TLK2: variants seen among roughly 807,000 people sequenced by gnomAD.
TLK2 encodes serine/threonine-protein kinase tousled-like 2.
Under a neutral mutation model 117.3 loss-of-function variants are expected in TLK2, and 6 were observed. The ratio of observed to expected loss-of-function variants is 0.05; its 90% CI spans 0.03 to 0.10. The LOEUF is 0.10. Among genes scored for constraint, TLK2 ranks in the 10% least tolerant of loss-of-function variants. The probability of loss-of-function intolerance (pLI) is 1.00; values close to 1 mark genes in which losing one functional copy is unlikely to be tolerated. For missense variants in TLK2, 299 were observed against 901.2 expected (o/e 0.33, Z 8.56); for synonymous variants, 257 against 316.7 (o/e 0.81, Z 2.00).
rs1329799407 is a variant in TLK2, at chr17:62,614,767, C to T, written c.*2202C>T. 1 of 152,026 alleles carries T rather than the reference C, an allele frequency of 6.6e-6. No individual in the cohort carries two copies. The highest frequency in any genetic ancestry group is 1.5e-5 in the Non-Finnish European group (1 of 68,018). 9.4% of individuals were successfully genotyped at this position (152,026 alleles called of 1,614,324 possible). A position where few individuals can be genotyped will look rare whatever the true frequency, so the allele number is the denominator to read the frequency against. ...TGCATTTATGTATGTGTGTATAGTA[C>T]CTTTTTTAAAAAAACATTTCCTCCA... On this transcript the variant is annotated 3_prime_UTR_variant, in exon 22 of 22. Transcript: ENST00000346027.
intron 17 of TLK2, among the ~76,000 whole-genome samples, chr17:62,599,989 C>T (rs1341578378): frequency 6.6e-6 from 1 of 152,194 alleles, no homozygotes; most frequent in Non-Finnish European, 1.5e-5. Flanking sequence ...AACCCACATA[C>T]TTTTGTTAGA....
At chr17:62,562,718 A>G (rs1359766289) in intron 10 of TLK2, among the ~76,000 whole-genome samples, 2 of 152,224 alleles carry the variant, frequency 1.3e-5, no homozygotes, top group Non-Finnish European at 2.9e-5. Context: ...AATGTAAAAT[A>G]TTACAGCTAC....
chr17:62,480,428 C>A (rs1225869062), intron 1 of TLK2, among the ~76,000 whole-genome samples: 1 of 152,158 alleles, frequency 6.6e-6, no homozygotes, highest in Non-Finnish European at 1.5e-5. Context: ...GGGCTAAAAG[C>A]AGATGTCCAG....
intron 1 of TLK2, among the ~76,000 whole-genome samples, chr17:62,473,090 G>A (rs2070972021): frequency 6.6e-6 from 1 of 152,124 alleles, no homozygotes; most frequent in South Asian, 2.1e-4. Flanking sequence ...CATGTCTCCT[G>A]GTGTGTTTGC....
chr17:62,567,666 A>G (rs1751584664), intron 11 of TLK2, among the ~76,000 whole-genome samples: 2 of 152,244 alleles, frequency 1.3e-5, no homozygotes, highest in African/African-American at 2.4e-5. Context: ...GAGAAACTCC[A>G]AGACATGTGA....
intron 16 of TLK2, among the ~76,000 whole-genome samples, chr17:62,592,752 G>A (rs756424030): frequency 7.2e-5 from 11 of 152,168 alleles, no homozygotes; most frequent in Non-Finnish European, 1.6e-4. Flanking sequence ...TTCTATTAGT[G>A]TTACATTGTA....
At chr17:62,577,558 T>C (rs1449625629) in intron 13 of TLK2, among the ~76,000 whole-genome samples, 1 of 152,244 alleles carries the variant, frequency 6.6e-6, no homozygotes, top group Non-Finnish European at 1.5e-5. Context: ...TTATTGATGA[T>C]GTTCACTGAG....
chr17:62,608,256 T>A, intron 21 of TLK2, 108 bp downstream of exon 21: 1 of 815,728 alleles, frequency 1.2e-6, no homozygotes, highest in Non-Finnish European at 1.9e-6. Flanking sequence ...CAGCAGTTAA[T>A]AAAAATATTA....
intron 16 of TLK2, among the ~76,000 whole-genome samples, chr17:62,591,836 G>A (rs948199315): frequency 6.6e-6 from 1 of 151,768 alleles, no homozygotes; most frequent in Non-Finnish European, 1.5e-5. Context: ...TTATTTTACC[G>A]TACTACGGAA....
chr17:62,594,803 C>G (rs2082339392), intron 16 of TLK2, among the ~76,000 whole-genome samples: 1 of 145,616 alleles, frequency 6.9e-6, no homozygotes, highest in African/African-American at 2.5e-5. Flanking sequence ...CACACACACA[C>G]ACACACACAC....
intron 2 of TLK2, among the ~76,000 whole-genome samples, chr17:62,506,112 A>G (rs1374344531): frequency 6.6e-6 from 1 of 152,130 alleles, no homozygotes; most frequent in Non-Finnish European, 1.5e-5. Flanking sequence ...TCTAGCTGAG[A>G]GTCATATGTG....
intron 1 of TLK2, among the ~76,000 whole-genome samples, chr17:62,479,886 C>G (rs1298651628): frequency 1.3e-5 from 2 of 152,212 alleles, no homozygotes; most frequent in South Asian, 4.1e-4. Context: ...CCATTCCGAC[C>G]TCGATTAGGG....
chr17:62,502,446 G>GATA (rs2074283431), intron 2 of TLK2, among the ~76,000 whole-genome samples: 1 of 152,174 alleles, frequency 6.6e-6, no homozygotes, highest in Non-Finnish European at 1.5e-5. Flanking sequence ...CATACTTATG[G>GATA]TAAAAGAGTG....
intron 20 of TLK2, 32 bp downstream of exon 20, chr17:62,606,273 C>A (rs1398021178): frequency 1.5e-5 from 21 of 1,424,252 alleles, no homozygotes; most frequent in Non-Finnish European, 1.9e-5. Context: ...GAAGCTTGAT[C>A]TCTTTCTTGG....
chr17:62,603,920 A>G (rs1359649108), intron 19 of TLK2, among the ~76,000 whole-genome samples: 1 of 152,186 alleles, frequency 6.6e-6, no homozygotes, highest in Non-Finnish European at 1.5e-5. Flanking sequence ...ACAAATTATA[A>G]GTAACTATTT....
At chr17:62,532,219 G>A (rs1034747077) in intron 6 of TLK2, among the ~76,000 whole-genome samples, 1 of 151,946 alleles carries the variant, frequency 6.6e-6, no homozygotes, top group Non-Finnish European at 1.5e-5. Flanking sequence ...TATCCTATCT[G>A]TATAGTTTTT....
rs116195902 is a variant in TLK2, at chr17:62,515,372, T to A, written c.82-5401T>A. Among the ~76,000 whole-genome samples, 525 of 152,334 alleles carry A rather than the reference T, an allele frequency of 3.4e-3. 3 individuals carry two copies. The highest frequency in any genetic ancestry group is 0.012 in the African/African-American group (490 of 41,584). On this transcript the variant is annotated intron_variant, in intron 2 of 21. Transcript: ENST00000346027. Reference sequence around the variant, plus strand: ...GAAATGGAATTGTTGTATCATACGATAATTCCGTTTTTGAGGAACTGCCAT... The same window carrying A: ...GAAATGGAATTGTTGTATCATACGAAAATTCCGTTTTTGAGGAACTGCCAT...
chr17:62,612,171 T>A (rs1045057335), intron 21 of TLK2: 1 of 444,952 alleles, frequency 2.2e-6, no homozygotes, highest in South Asian at 4.4e-5. Context: ...CAGCCCTTTC[T>A]GTCTGAGAAG....
At chr17:62,531,495 A>C (rs1341500442) in intron 6 of TLK2, among the ~76,000 whole-genome samples, 1 of 152,204 alleles carries the variant, frequency 6.6e-6, no homozygotes, top group Non-Finnish European at 1.5e-5. Flanking sequence ...TAATTCTAGC[A>C]TCTGAAGCTT....
Sources: allele counts gnomAD v4.1 joint callset (sites outside exome capture counted in the v4.1 genomes callset), GRCh38; gene constraint gnomAD v4.1.1; transcripts MANE v1.5; gene names NCBI Gene and HGNC (gene_info 2026-07-23, HGNC 2026-07-21).